Variants in WARS2 observed in about 807,000 individuals in gnomAD.
The protein encoded by WARS2 is tryptophan--tRNA ligase, mitochondrial.
In WARS2, 28 loss-of-function variants were observed where a neutral mutation model predicts 36.5. The observed-to-expected ratio is 0.77, with a 90% CI of 0.57 to 1.05. The LOEUF (loss-of-function observed/expected upper bound fraction) is 1.05. WARS2 is among the 50% of genes least tolerant of loss of function. The pLI is 0.00. For missense variants in WARS2, 435 were observed against 456.8 expected (o/e 0.95, Z 0.44); for synonymous variants, 174 against 178.4 (o/e 0.98, Z 0.20).
intron 1 of WARS2, among the ~76,000 whole-genome samples, chr1:119,112,588 C>A (rs990463472): frequency 6.6e-6 from 1 of 152,112 alleles, no homozygotes; most frequent in Non-Finnish European, 1.5e-5. Context: ...AGAACACAGG[C>A]GTACTGCTAA....
At chr1:119,120,663 T>A (rs1421888382) in intron 1 of WARS2, among the ~76,000 whole-genome samples, 1 of 151,968 alleles carries the variant, frequency 6.6e-6, no homozygotes, top group African/African-American at 2.4e-5. Context: ...GCTAACTGAA[T>A]TCAACACAAT....
At chr1:119,087,263 C>T (rs1422493665) in intron 1 of WARS2, among the ~76,000 whole-genome samples, 1 of 152,112 alleles carries the variant, frequency 6.6e-6, no homozygotes, top group Non-Finnish European at 1.5e-5. Context: ...CAGTAAATAG[C>T]ACAGTGCCAG....
intron 1 of WARS2, among the ~76,000 whole-genome samples, chr1:119,100,829 G>A (rs933423012): frequency 2.6e-5 from 4 of 152,062 alleles, no homozygotes; most frequent in African/African-American, 9.7e-5. Context: ...GTAGAGATGG[G>A]ATTTCACCAT....
At chr1:119,129,477 G>A (rs1655933731) in intron 1 of WARS2, among the ~76,000 whole-genome samples, 1 of 152,152 alleles carries the variant, frequency 6.6e-6, no homozygotes. Context: ...GGGAGGCTGA[G>A]GCAGGAACAC....
chr1:119,140,561 A>C lies in WARS2; in HGVS notation c.84T>G (p.Ala28=). The change falls in exon 1 of 6, where the codon GCT becomes GCG. Residue 28 remains alanine (A), a synonymous_variant. Coordinates refer to ENST00000235521, the MANE Select transcript of WARS2 (RefSeq NM_015836.4). ...ALHKGSAAAP[A]LQKDSKKRVF... is the part of the protein sequence containing the mutation. Reference sequence around the variant, plus strand: ...AAGGGCCGTCTTTGGTTACCTGGAGAGCGGGAGCAGCTGCGGATCCCTTAT... The same window carrying C: ...AAGGGCCGTCTTTGGTTACCTGGAGCGCGGGAGCAGCTGCGGATCCCTTAT... 6.2e-7 allele frequency: 1 copy of C among 1,613,248 alleles called. No individual in the cohort carries two copies. The highest frequency in any genetic ancestry group is 1.3e-5 in the African/African-American group (1 of 75,032).
intron 1 of WARS2, among the ~76,000 whole-genome samples, chr1:119,090,409 G>A (rs1326765499): frequency 6.6e-6 from 1 of 152,092 alleles, no homozygotes; most frequent in Non-Finnish European, 1.5e-5. Flanking sequence ...CTCCCCTGAA[G>A]GTTCTATATA....
chr1:119,085,482 C>A (rs587611919), intron 1 of WARS2: 4 of 1,532,754 alleles, frequency 2.6e-6, no homozygotes, highest in Non-Finnish European at 3.5e-6. Context: ...TCTTTTTTTG[C>A]GCTTTTTTGT....
rs147384330 is a variant in WARS2, at chr1:119,085,979, C to A, written c.91-9372G>T. On this transcript the variant is annotated intron_variant, in intron 1 of 5. Transcript: ENST00000235521. ...TCTCCACGGGCCCAAACTCAGCGTT[C>A]AGGTATCAGTGCCCAGGCAAGGCAG... is the stretch of plus-strand genomic sequence containing the variant. The A allele has an allele frequency of 1.9e-4, 299 of 1,607,574 alleles. 1 individual carries two copies. The African/African-American group carries it at 3.6e-3, about 19-fold the overall frequency.
chr1:119,087,600 G>A (rs1652765165), intron 1 of WARS2, among the ~76,000 whole-genome samples: 1 of 152,130 alleles, frequency 6.6e-6, no homozygotes, highest in Non-Finnish European at 1.5e-5. Context: ...TGGAATCCGA[G>A]GTCCATTTTG....
chr1:119,094,058 A>G (rs1653249487), intron 1 of WARS2, among the ~76,000 whole-genome samples: 1 of 152,224 alleles, frequency 6.6e-6, no homozygotes, highest in African/African-American at 2.4e-5. Flanking sequence ...AACAGCCATC[A>G]ACTAAGGGGC....
At chr1:119,086,007 T>G (rs1652632748) in intron 1 of WARS2, 1 of 1,579,238 alleles carries the variant, frequency 6.3e-7, no homozygotes, top group Non-Finnish European at 8.7e-7. Flanking sequence ...CAAGGCAGTG[T>G]GGCACATACC....
chr1:119,066,347 G>A (rs1327219224), intron 2 of WARS2, among the ~76,000 whole-genome samples: 4 of 151,740 alleles, frequency 2.6e-5, no homozygotes, highest in Admixed American at 6.6e-5. Flanking sequence ...GTGTGGTGGT[G>A]GGCGCCTGTA....
At chr1:119,124,064 A>G (rs1466318206) in intron 1 of WARS2, among the ~76,000 whole-genome samples, 3 of 152,200 alleles carry the variant, frequency 2.0e-5, no homozygotes, top group Non-Finnish European at 4.4e-5. Flanking sequence ...CTGTTGCATT[A>G]TTTTGTGTCT....
chr1:119,107,026 G>A (rs966480079), intron 1 of WARS2, among the ~76,000 whole-genome samples: 5 of 152,024 alleles, frequency 3.3e-5, no homozygotes, highest in East Asian at 1.9e-4. Context: ...GTCATATCTC[G>A]TTGTTTTGAT....
intron 2 of WARS2, among the ~76,000 whole-genome samples, chr1:119,049,326 C>T (rs768789273): frequency 1.3e-5 from 2 of 152,130 alleles, no homozygotes; most frequent in East Asian, 3.9e-4. Flanking sequence ...GCTGTTTTCT[C>T]CGTATTTCAA....
chr1:119,124,997 A>T (rs1655556239), intron 1 of WARS2, among the ~76,000 whole-genome samples: 1 of 152,164 alleles, frequency 6.6e-6, no homozygotes, highest in Non-Finnish European at 1.5e-5. Flanking sequence ...TGTTTCACAG[A>T]TTCTCATCTG....
At chr1:119,073,478 G>C (rs1651488188) in intron 2 of WARS2, among the ~76,000 whole-genome samples, 1 of 152,180 alleles carries the variant, frequency 6.6e-6, no homozygotes, top group Non-Finnish European at 1.5e-5. Context: ...ATGTAGGCAA[G>C]ATGAGTACCT....
At chr1:119,075,759 T>C (rs1489253089) in intron 2 of WARS2, among the ~76,000 whole-genome samples, 1 of 152,214 alleles carries the variant, frequency 6.6e-6, no homozygotes, top group African/African-American at 2.4e-5. Flanking sequence ...AAGAATAAAC[T>C]GATTCATCCA....
chr1:119,071,800 A>T (rs1269371430), intron 2 of WARS2, among the ~76,000 whole-genome samples: 1 of 152,174 alleles, frequency 6.6e-6, no homozygotes, highest in Admixed American at 6.5e-5. Flanking sequence ...AAAATCACTT[A>T]AAGATAGCTA....
Sources: gnomAD v4.1 joint callset for allele counts (sites outside exome capture counted in the v4.1 genomes callset) on GRCh38, gnomAD v4.1.1 for gene constraint, MANE v1.5 for transcripts, NCBI Gene and HGNC (gene_info 2026-07-23, HGNC 2026-07-21) for gene names.